Variants in CIMIP2A observed in about 807,000 individuals in gnomAD.
The protein encoded by CIMIP2A is family with sequence similarity 166 member A.
At chr9:137,251,685 T>C in the CIMIP2A span, 2 of 1,528,632 alleles carry the variant, frequency 1.3e-6, no homozygotes, top group South Asian at 2.4e-5. Context: ...CTGTGGGGCA[T>C]GTGGCTGGGA....
chr9:137,245,782 AGCAGCTGCCCCGTGGTAC>A, the CIMIP2A span: 1 of 1,544,184 alleles, frequency 6.5e-7, no homozygotes, highest in South Asian at 1.2e-5. Flanking sequence ...GGGGTCTGTG[AGCAGCTGCCCCGTGGTAC>A]GCCCATAGGT....
the CIMIP2A span, chr9:137,244,663 C>A: frequency 6.2e-7 from 1 of 1,613,906 alleles, no homozygotes; most frequent in South Asian, 1.1e-5. Flanking sequence ...CGAATTCGTC[C>A]ATGGCTTGCA....
chr9:137,251,260 G>A, the CIMIP2A span: 49 of 1,474,982 alleles, frequency 3.3e-5, no homozygotes, highest in African/African-American at 6.9e-5. Context: ...CCGTGGTGCC[G>A]TTGGGGAAGA....
chr9:137,252,132 C>A, the CIMIP2A span: 1 of 1,608,320 alleles, frequency 6.2e-7, no homozygotes, highest in Admixed American at 1.7e-5. Flanking sequence ...GCACCAGGGC[C>A]GAGGTGTGTG....
chr9:137,244,818 G>C, the CIMIP2A span: 3 of 1,577,260 alleles, frequency 1.9e-6, no homozygotes, highest in East Asian at 4.6e-5. Flanking sequence ...AGACGTGTCA[G>C]GGAAGCCAGG....
the CIMIP2A span, chr9:137,252,674 G>A: frequency 6.5e-7 from 1 of 1,548,068 alleles, no homozygotes; most frequent in Non-Finnish European, 8.7e-7. Flanking sequence ...GCCCTCGCCA[G>A]CCCACTACCA....
the CIMIP2A span, among the ~76,000 whole-genome samples, chr9:137,254,340 G>T: frequency 6.6e-6 from 1 of 152,226 alleles, no homozygotes; most frequent in Non-Finnish European, 1.5e-5. Context: ...GACCAACTTG[G>T]CCAGCGGCAA....
chr9:137,253,121 C>T, the CIMIP2A span: 10 of 1,570,710 alleles, frequency 6.4e-6, no homozygotes, highest in Non-Finnish European at 5.2e-6. Flanking sequence ...GCAGCCCGAA[C>T]CCCTGGCCCA....
the CIMIP2A span, chr9:137,252,695 C>T: frequency 3.9e-6 from 6 of 1,551,220 alleles, no homozygotes; most frequent in African/African-American, 2.7e-5. Context: ...GCTGCTCAGC[C>T]GGCCCGCCTT....
chr9:137,253,608 C>A, the CIMIP2A span: 1 of 875,812 alleles, frequency 1.1e-6, no homozygotes. Flanking sequence ...AAGGTGCTCT[C>A]TTCTCTAGGG....
chr9:137,244,100 G>A, the CIMIP2A span: 8 of 1,439,412 alleles, frequency 5.6e-6, no homozygotes, highest in Admixed American at 1.0e-4. Context: ...GCAATGAAGG[G>A]TGAGCAGGTA....
the CIMIP2A span, among the ~76,000 whole-genome samples, chr9:137,247,210 G>C: frequency 2.0e-5 from 3 of 152,206 alleles, no homozygotes; most frequent in African/African-American, 7.2e-5. Context: ...GCTTGAACCT[G>C]GGAGGCAGAG....
chr9:137,251,403 G>T, the CIMIP2A span: 1 of 1,599,596 alleles, frequency 6.3e-7, no homozygotes, highest in Non-Finnish European at 8.6e-7. Flanking sequence ...CCCAGTAACT[G>T]GCGGAGAGGG....
At chr9:137,247,811 GC>G in the CIMIP2A span, 1 of 1,270,984 alleles carries the variant, frequency 7.9e-7, no homozygotes, top group Non-Finnish European at 1.1e-6. Flanking sequence ...ATTGTGAGGG[GC>G]CAGCATTGTG....
chr9:137,244,570 C>CA, the CIMIP2A span: 1 of 1,585,902 alleles, frequency 6.3e-7, no homozygotes, highest in African/African-American at 1.3e-5. Flanking sequence ...AGGCACCCTC[C>CA]AGGGAAGCTG....
the CIMIP2A span, chr9:137,253,275 GCCA>G: frequency 1.0e-5 from 16 of 1,589,466 alleles, no homozygotes; most frequent in East Asian, 3.0e-4. Flanking sequence ...GCTTGGCCCG[GCCA>G]CCGAGTGGAA....
chr9:137,254,909 GC>G, the CIMIP2A span, among the ~76,000 whole-genome samples: 22 of 152,334 alleles, frequency 1.4e-4, no homozygotes, highest in South Asian at 1.0e-3. Flanking sequence ...TGGGCTTCGT[GC>G]CCGTTTCACG....
At chr9:137,248,177 G>C in the CIMIP2A span, among the ~76,000 whole-genome samples, 3 of 152,212 alleles carry the variant, frequency 2.0e-5, no homozygotes, top group African/African-American at 7.2e-5. Flanking sequence ...ATGTGGCGCA[G>C]GGTGTTATGT....
chr9:137,253,298 C>A, the CIMIP2A span: 101 of 1,567,382 alleles, frequency 6.4e-5, 3 homozygotes, highest in Admixed American at 1.6e-3. Context: ...ACCATGGCCT[C>A]CCCCGGGGCT....
Sources: gnomAD v4.1 joint callset for allele counts (sites outside exome capture counted in the v4.1 genomes callset) on GRCh38, gnomAD v4.1.1 for gene constraint, MANE v1.5 for transcripts, NCBI Gene and HGNC (gene_info 2026-07-23, HGNC 2026-07-21) for gene names.